Variants in CCDC28B observed in about 807,000 individuals in gnomAD.
CCDC28B encodes coiled-coil domain containing 28B.
Under a neutral mutation model 18.7 loss-of-function variants are expected in CCDC28B, and 17 were observed. That is an observed-to-expected ratio of 0.91 (90% CI 0.62 to 1.36). The LOEUF (loss-of-function observed/expected upper bound fraction) is 1.36. Ranked by LOEUF, CCDC28B falls within the 40% of genes most tolerant of loss-of-function variation. The pLI, the probability that CCDC28B is intolerant of heterozygous loss-of-function variation, is 0.00. For synonymous variants in CCDC28B, 116 were observed against 105.1 expected (o/e 1.10, Z -0.64); for missense variants, 213 against 251.7 (o/e 0.85, Z 1.04).
At chr1:32,202,337 G>C in intron 2 of CCDC28B, 7 of 677,620 alleles carry the variant, frequency 1.0e-5, no homozygotes, top group Non-Finnish European at 1.9e-5. Context: ...AGGAGGGAGT[G>C]AGCAACTCTG....
In CCDC28B at chr1:32,205,048, C is replaced by T; in HGVS notation, c.549-146C>T. On this transcript the variant is annotated intron_variant, in intron 5 of 5. Coordinates refer to ENST00000373602, the MANE Select transcript of CCDC28B (RefSeq NM_024296.5). The surrounding 1 kb of genome is among the most constrained non-coding windows in gnomAD (Gnocchi z 5.6). The stretch of plus-strand genomic sequence containing the variant: ...GAGAGAGGGGGTGAGAGAGGGCAGG[C>T]GGGGACTGCAACCTCAGTCCACAGA... The T allele has an allele frequency of 1.7e-6, 2 of 1,174,438 alleles. No individual in the cohort carries two copies. The highest frequency in any genetic ancestry group is 1.5e-5 in the African/African-American group (1 of 64,800). 72.8% of individuals were successfully genotyped at this position (1,174,438 alleles called of 1,614,324 possible). A position where few individuals can be genotyped will look rare whatever the true frequency, so the allele number is the denominator to read the frequency against.
Position 32,205,164 on chromosome 1 carries a change from C to T in CCDC28B, c.549-30C>T, listed in dbSNP as rs767553298. 6.2e-6 allele frequency: 10 copies of T among 1,612,768 alleles called. No individual in the cohort carries two copies. Among genetic ancestry groups the T allele is most frequent in the Admixed American group, 1.7e-5 (1 of 59,870 alleles). ...GACCGGGGTGGGAGGAAGGACTGGT[C>T]CAAAGCGCCACGATCCTTGACGGGC... On this transcript the variant is annotated intron_variant, in intron 5 of 5. Transcript: ENST00000373602. The surrounding 1 kb of genome is among the most constrained non-coding windows in gnomAD (Gnocchi z 5.6).
At chr1:32,200,143 T>C (rs981682187), upstream of CCDC28B, among the ~76,000 whole-genome samples, 1 of 152,290 alleles carries the variant, frequency 6.6e-6, no homozygotes, top group Non-Finnish European at 1.5e-5. Flanking sequence ...CTCAAAAGAC[T>C]GTTGCTTACT....
At chr1:32,204,643 CTA>C in intron 5 of CCDC28B, 23 bp downstream of exon 5, 3 of 1,609,498 alleles carry the variant, frequency 1.9e-6, no homozygotes, top group Non-Finnish European at 2.5e-6. Context: ...AGGAACCCGT[CTA>C]TGTGTGTGTG....
At position 32,204,301 on chromosome 1, in the gene CCDC28B, G is replaced by A. The variant is rs1643243178; in HGVS notation, c.447G>A (p.Glu149=). ...CGEEEDDEEE[E]DGVTEGLPEE... is the part of the protein sequence containing the mutation. ...AGGAGGAGGACGATGAAGAGGAAGA[G>A]GATGGGGTCACTGAGGGGCTGCCAG... The change falls in exon 4 of 6, where the codon GAG becomes GAA. Residue 149 remains glutamate, a synonymous_variant. Coordinates refer to ENST00000373602, the MANE Select transcript of CCDC28B (RefSeq NM_024296.5). The A allele has an allele frequency of 6.2e-7, 1 of 1,613,186 alleles. No homozygotes were observed.
At chr1:32,202,425 G>T (rs1408031984) in intron 2 of CCDC28B, 1 of 466,690 alleles carries the variant, frequency 2.1e-6, no homozygotes, top group Non-Finnish European at 4.2e-6. Context: ...AAGGTTTCAG[G>T]AACCACAGGT....
upstream of CCDC28B, chr1:32,197,761 TTGTCCAGCTGAGAGCTTCA>T (rs1295180176): frequency 1.3e-5 from 2 of 152,232 alleles, no homozygotes; most frequent in Non-Finnish European, 2.9e-5. The surrounding 1 kb of genome is among the most constrained non-coding windows in gnomAD (Gnocchi z 4.6). Flanking sequence ...TTTCAGGGCC[TTGTCCAGCTGAGAGCTTCA>T]TGTCCACCAG....
chr1:32,201,726 G>A (rs34756120), intron 1 of CCDC28B, 187 bp from the exon 2 acceptor site: 2 of 487,132 alleles, frequency 4.1e-6, no homozygotes, highest in Non-Finnish European at 7.2e-6. Context: ...TTGGGCCTTA[G>A]AAGGTCCTTC....
At chr1:32,204,533 G>A in intron 4 of CCDC28B, 65 bp from the exon 5 acceptor site, 1 of 1,523,558 alleles carries the variant, frequency 6.6e-7, no homozygotes, top group Non-Finnish European at 8.8e-7. Context: ...ATAGCCCCCA[G>A]AGCATTGGGG....
At position 32,204,589 on chromosome 1, in the gene CCDC28B, T is replaced by A. The variant is rs779734264; in HGVS notation, c.526-9T>A. On this transcript the variant is annotated splice_polypyrimidine_tract_variant and intron_variant, in intron 4 of 5. Coordinates refer to ENST00000373602, the MANE Select transcript of CCDC28B (RefSeq NM_024296.5). ...TAACAGAAGCCTCCCTTTTTCTCTT[T>A]GTTGGCAGCTGGAAGACCTCAGTAA... 2.6e-6 allele frequency: 4 copies of A among 1,562,708 alleles called. 1 individual carries two copies. Among genetic ancestry groups the A allele is most frequent in the Non-Finnish European group, 3.5e-6 (4 of 1,155,808 alleles).
rs200163249 is a variant in CCDC28B at position 32,203,995 on chromosome 1, G to T, written c.281G>T (p.Gly94Val). 2.5e-6 allele frequency: 4 copies of T among 1,574,662 alleles called. No individual in the cohort carries two copies. The highest frequency in any genetic ancestry group is 1.2e-5 in the South Asian group (1 of 84,390). ...EVTDVYEMEG[G>V]LLNLLNDFHS... ...ACTGATGTCTATGAGATGGAGGGGG[G>T]ACTCCTGAACCTGCTCAATGATTTC... The change falls in exon 3 of 6, where the codon GGA becomes GTA. Residue 94 changes from glycine to valine, a missense_variant. Physicochemically the swap from Gly to Val is moderately radical, Grantham distance 109. Coordinates refer to ENST00000373602, the MANE Select transcript of CCDC28B (RefSeq NM_024296.5).
upstream of CCDC28B, chr1:32,196,528 G>A (rs1643027906): frequency 6.6e-6 from 1 of 152,242 alleles, no homozygotes; most frequent in Admixed American, 6.5e-5. Flanking sequence ...AGTTGTTTCT[G>A]TGTCCTGTTC....
chr1:32,202,103 G>A lies in CCDC28B; in HGVS notation c.164+4G>A, dbSNP rs1643160296. 1 of 1,610,764 alleles carries A rather than the reference G, an allele frequency of 6.2e-7. No homozygotes were observed. The highest frequency in any genetic ancestry group is 1.1e-5 in the South Asian group (1 of 90,876). On this transcript the variant is annotated splice_donor_region_variant and intron_variant, in intron 2 of 5. Coordinates refer to ENST00000373602, the MANE Select transcript of CCDC28B (RefSeq NM_024296.5). ...AGCAGCGGGCCAAGTTCAAGAGGTG[G>A]GTACAGAAGGGAAGGAAAGGAGGAG...
chr1:32,203,932 C>T lies in CCDC28B; in HGVS notation c.218C>T (p.Ala73Val), dbSNP rs760103282. 70 of 1,557,488 alleles carry T rather than the reference C, an allele frequency of 4.5e-5. No homozygotes were observed. In the Admixed American group the frequency reaches 1.3e-3, roughly 29 times the overall value. Residue 73 changes from alanine (A) to valine (V), a missense_variant, in exon 3 of 6, where the codon GCA becomes GTA. Coordinates refer to ENST00000373602, the MANE Select transcript of CCDC28B (RefSeq NM_024296.5). ...PVLAGGGSGS[A>V]GTPLQHSFLT... is the part of the protein sequence containing the mutation. ...CTGGCTGGAGGTGGAAGCGGCTCTG[C>T]AGGCACGCCCCTGCAGCACTCCTTC... is the stretch of plus-strand genomic sequence containing the variant.
At chr1:32,204,661 G>A (rs764379941) in intron 5 of CCDC28B, 41 bp downstream of exon 5, 1 of 1,613,778 alleles carries the variant, frequency 6.2e-7, no homozygotes. Context: ...GTGTGTTCCT[G>A]AGAGGTCAGT....
intron 1 of CCDC28B, 46 bp from the exon 2 acceptor site, chr1:32,201,867 G>T: frequency 1.3e-6 from 2 of 1,490,606 alleles, no homozygotes; most frequent in Non-Finnish European, 1.8e-6. Context: ...TGGGTGAAGG[G>T]CTAACTTTGC....
Position 32,204,335 on chromosome 1 carries a change from A to G in CCDC28B, c.481A>G (p.Lys161Glu). The G allele has an allele frequency of 6.2e-7, 1 of 1,606,492 alleles. No homozygotes were observed. The highest frequency in any genetic ancestry group is 8.5e-7 in the Non-Finnish European group (1 of 1,175,936). ...GVTEGLPEEQ[K>E]KTMADRNLDQ... The stretch of plus-strand genomic sequence containing the variant: ...CACTGAGGGGCTGCCAGAGGAGCAG[A>G]AGAAGACAATGGCTGACCGTAACCT... Residue 161 changes from lysine to glutamate, a missense_variant, in exon 4 of 6, where the codon AAG (lysine) becomes GAG (glutamate). Transcript: ENST00000373602.
chr1:32,196,350 C>G (rs1482860086), upstream of CCDC28B: 1 of 152,650 alleles, frequency 6.6e-6, no homozygotes, highest in East Asian at 1.9e-4. Flanking sequence ...CCCACCCCCA[C>G]ATGTGCAATC....
upstream of CCDC28B, among the ~76,000 whole-genome samples, chr1:32,199,102 A>G (rs1643090265): frequency 1.3e-5 from 2 of 152,154 alleles, no homozygotes; most frequent in African/African-American, 2.4e-5. Flanking sequence ...TGGGACTCCT[A>G]TATGGGAGAC....
Sources: gnomAD v4.1 joint callset for allele counts (sites outside exome capture counted in the v4.1 genomes callset) on GRCh38, gnomAD v4.1.1 for gene constraint, Gnocchi (gnomAD v3.1) non-coding constraint, MANE v1.5 for transcripts, NCBI Gene and HGNC (gene_info 2026-07-23, HGNC 2026-07-21) for gene names.